PTGIS: variants seen among roughly 807,000 people sequenced by gnomAD.
PTGIS encodes prostaglandin I2 synthase.
Under a neutral mutation model 50.3 loss-of-function variants are expected in PTGIS, and 45 were observed. That is an observed-to-expected ratio of 0.90 (90% CI 0.70 to 1.15). PTGIS has a LOEUF of 1.15. Ranked by LOEUF, PTGIS falls within the 50% of genes most tolerant of loss-of-function variation. The probability of loss-of-function intolerance (pLI) is 0.00; values close to 1 mark genes in which losing one functional copy is unlikely to be tolerated. For missense variants in PTGIS, 668 were observed against 661.3 expected, an observed-to-expected ratio of 1.01 and a Z score of -0.11; for synonymous variants, 260 against 267.7, an observed-to-expected ratio of 0.97 and a Z score of 0.28.
In PTGIS at chr20:49,505,258, A is replaced by T. The variant is rs1202336421; in HGVS notation, c.*2662T>A. 6.6e-6 allele frequency: 1 copy of T among 152,194 alleles called. No homozygotes were observed. The highest frequency in any genetic ancestry group is 1.5e-5 in the Non-Finnish European group (1 of 68,040). The allele number at this position is 152,194 out of a possible 1,614,324, so 9.4% of individuals were successfully genotyped here. A position where few individuals can be genotyped will look rare whatever the true frequency, so the allele number is the denominator to read the frequency against. ...GGGATGAAGAAATACAATGGCATCCAGGTAACTTCCTAACTAGCGCATAGC... is the reference window on the plus strand; with the variant it reads ...GGGATGAAGAAATACAATGGCATCCTGGTAACTTCCTAACTAGCGCATAGC... On this transcript the variant is annotated 3_prime_UTR_variant, in exon 10 of 10. Transcript: ENST00000244043.
Position 49,514,379 on chromosome 20 carries a change from G to A in PTGIS, c.872C>T (p.Ala291Val). Residue 291 changes from alanine to valine, a missense_variant, in exon 7 of 10, where the codon GCT (alanine) becomes GTT (valine). Coordinates refer to ENST00000244043, the MANE Select transcript of PTGIS (RefSeq NM_000961.4). ...AAGGAAGAGCAGGAGCCAGAAGGCA[G>A]CGGGACCCATATTCCCCTGCAAGGA... Reference protein sequence around the residue: ...LWATQGNMGPAAFWLLLFLLK... With the variant: ...LWATQGNMGPVAFWLLLFLLK... The A allele has an allele frequency of 6.2e-7, 1 of 1,613,876 alleles. No homozygotes were observed. Among genetic ancestry groups the A allele is most frequent in the Non-Finnish European group, 8.5e-7 (1 of 1,180,024 alleles).
intron 6 of PTGIS, 147 bp from the exon 7 acceptor site, chr20:49,514,542 C>T: frequency 1.9e-6 from 2 of 1,045,778 alleles, no homozygotes; most frequent in Non-Finnish European, 2.8e-6. Context: ...GTGTCTATCT[C>T]CAGCCTCAGG....
chr20:49,513,121 G>T lies in PTGIS; in HGVS notation c.1165C>A (p.Leu389Met), dbSNP rs762753206. Residue 389 changes from leucine to methionine, a missense_variant, in exon 8 of 10, where the codon CTG becomes ATG. Transcript: ENST00000244043. ...ATTTCTGGGTCTCTCTGGGGGCTCA[G>T]GAAGGGGAAGAGGAGGAGGCGGTCA... ...RGDRLLLFPF[L>M]SPQRDPEIYT... 2 of 1,610,364 alleles carry T rather than the reference G, an allele frequency of 1.2e-6. No individual in the cohort carries two copies. Among genetic ancestry groups the T allele is most frequent in the South Asian group, 1.1e-5 (1 of 90,784 alleles).
At chr20:49,521,011 G>C (rs1007294998) in intron 6 of PTGIS, among the ~76,000 whole-genome samples, 1 of 152,180 alleles carries the variant, frequency 6.6e-6, no homozygotes, top group Non-Finnish European at 1.5e-5. Flanking sequence ...CTCCCTAAGG[G>C]CAGGGATTTT....
intron 1 of PTGIS, among the ~76,000 whole-genome samples, chr20:49,558,247 G>C (rs929752274): frequency 2.0e-5 from 3 of 152,110 alleles, no homozygotes; most frequent in African/African-American, 7.2e-5. Context: ...AAATTAGCCA[G>C]GTGTGGTGGT....
chr20:49,551,065 A>G (rs996297315), intron 1 of PTGIS, among the ~76,000 whole-genome samples: 3 of 152,058 alleles, frequency 2.0e-5, no homozygotes, highest in African/African-American at 7.2e-5. Context: ...TTAGCCAGGC[A>G]TGGTCGTGGT....
At position 49,516,973 on chromosome 20, in the gene PTGIS, C is replaced by T. The variant is rs188964714; in HGVS notation, c.856-2578G>A. ...ACTTTCTGTGACTGTGGACAAGTCA[C>T]GTCCCCCTTTGGGTCTCAACACTGG... On this transcript the variant is annotated intron_variant, in intron 6 of 9. Transcript: ENST00000244043. 7.7e-4 allele frequency among the ~76,000 whole-genome samples: 118 copies of T among 152,302 alleles called. 2 individuals carry two copies. The highest frequency in any genetic ancestry group is 2.5e-3 in the African/African-American group (105 of 41,556).
At chr20:49,559,756 T>C (rs755593243) in intron 1 of PTGIS, among the ~76,000 whole-genome samples, 27 of 151,904 alleles carry the variant, frequency 1.8e-4, no homozygotes, top group Non-Finnish European at 3.4e-4. Context: ...GGGAAATCAA[T>C]AGAGATAGAA....
At chr20:49,567,719 G>C (rs1982935911) in intron 1 of PTGIS, among the ~76,000 whole-genome samples, 1 of 152,134 alleles carries the variant, frequency 6.6e-6, no homozygotes, top group South Asian at 2.1e-4. Context: ...ACAAACCCTC[G>C]GTCCTCACCT....
At chr20:49,508,756 T>C (rs1168835372) in intron 9 of PTGIS, among the ~76,000 whole-genome samples, 1 of 152,170 alleles carries the variant, frequency 6.6e-6, no homozygotes, top group Non-Finnish European at 1.5e-5. Context: ...GAACAAGCAC[T>C]CTCTACTGCC....
intron 5 of PTGIS, among the ~76,000 whole-genome samples, chr20:49,538,396 T>C (rs923553021): frequency 1.3e-5 from 2 of 150,226 alleles, no homozygotes; most frequent in Non-Finnish European, 3.0e-5. Context: ...AGACTCCGTC[T>C]CAAAAAAATT....
intron 5 of PTGIS, among the ~76,000 whole-genome samples, chr20:49,534,357 G>C (rs1960336026): frequency 6.6e-6 from 1 of 152,148 alleles, no homozygotes; most frequent in Admixed American, 6.5e-5. Flanking sequence ...CAATGTTCGG[G>C]GGCTGCTTTG....
At position 49,540,339 on chromosome 20, in the gene PTGIS, G is replaced by C. The variant is rs1009014770; in HGVS notation, c.522-618C>G. On this transcript the variant is annotated intron_variant, in intron 4 of 9. Transcript: ENST00000244043. This position sits in a 1 kb window ranked among gnomAD's most constrained non-coding sequence, Gnocchi z 4.8. The stretch of plus-strand genomic sequence containing the variant: ...CTGAGCTGAGATCTGCAGGATGATC[G>C]GGGGAAGCAGAAGAGGAACGTGTTC... Among the ~76,000 whole-genome samples the C allele has an allele frequency of 1.3e-5, 2 of 152,168 alleles. No homozygotes were observed. The highest frequency in any genetic ancestry group is 1.9e-4 in the East Asian group (1 of 5,192).
intron 9 of PTGIS, 109 bp from the exon 10 acceptor site, chr20:49,508,173 G>C: frequency 7.8e-7 from 1 of 1,277,270 alleles, no homozygotes; most frequent in Non-Finnish European, 1.1e-6. Context: ...CCAACTTTGA[G>C]TAAAGTGAGG....
intron 6 of PTGIS, among the ~76,000 whole-genome samples, chr20:49,520,873 C>T (rs938115832): frequency 1.7e-4 from 26 of 151,494 alleles, no homozygotes; most frequent in Non-Finnish European, 3.8e-4. Context: ...GAGATGGGGT[C>T]TTGCTATGTT....
chr20:49,514,198 G>A, intron 7 of PTGIS, 29 bp downstream of exon 7: 1 of 1,611,542 alleles, frequency 6.2e-7, no homozygotes, highest in Non-Finnish European at 8.5e-7. Context: ...CAGTCTTAGG[G>A]GCTATCTTGG....
Position 49,557,796 on chromosome 20 carries a change from T to A in PTGIS, c.75-7607A>T, listed in dbSNP as rs140383038. On this transcript the variant is annotated intron_variant, in intron 1 of 9. Transcript: ENST00000244043. ...GTTCACCTTATTTTATGTAAAGTGC[T>A]GATTTACTGTGCATGAGAGAAATAC... 1.4e-4 allele frequency among the ~76,000 whole-genome samples: 22 copies of A among 152,322 alleles called. No homozygotes were observed. In the East Asian group the frequency reaches 4.0e-3, roughly 28 times the overall value.
At chr20:49,536,963 C>T (rs1982092360) in intron 5 of PTGIS, among the ~76,000 whole-genome samples, 2 of 152,180 alleles carry the variant, frequency 1.3e-5, no homozygotes, top group African/African-American at 4.8e-5. Context: ...AGCCACTCCC[C>T]TCCACGGTCC....
At chr20:49,549,968 G>A (rs1982462949) in intron 2 of PTGIS, 98 bp downstream of exon 2, 3 of 1,585,636 alleles carry the variant, frequency 1.9e-6, no homozygotes, top group Admixed American at 1.7e-5. Context: ...TGGGGTGGGG[G>A]GGTTGGCATA....
Sources: allele counts gnomAD v4.1 joint callset (sites outside exome capture counted in the v4.1 genomes callset), GRCh38; gene constraint gnomAD v4.1.1; non-coding constraint Gnocchi (gnomAD v3.1); transcripts MANE v1.5; gene names NCBI Gene and HGNC (gene_info 2026-07-23, HGNC 2026-07-21).